The following SH3BGRL2 variants were observed in gnomAD, a reference collection of about 807,000 sequenced individuals.
SH3BGRL2 encodes SH3 domain-binding glutamic acid-rich-like protein 2.
SH3BGRL2 carries 21 observed loss-of-function variants against 14.8 expected under a neutral mutation model. That is an observed-to-expected ratio of 1.42 (90% CI 1.01 to 2.05). The LOEUF (loss-of-function observed/expected upper bound fraction) is 2.05. SH3BGRL2 is among the 30% of genes most tolerant of loss of function. The probability of loss-of-function intolerance (pLI) is 0.00; values close to 1 mark genes in which losing one functional copy is unlikely to be tolerated. For missense variants in SH3BGRL2, 147 were observed against 130.8 expected, an observed-to-expected ratio of 1.12 and a Z score of -0.61; for synonymous variants, 50 against 47.8, an observed-to-expected ratio of 1.05 and a Z score of -0.19.
chr6:79,554,745 G>T, the SH3BGRL2 span, among the ~76,000 whole-genome samples: 59 of 152,110 alleles, frequency 3.9e-4, no homozygotes, highest in African/African-American at 1.4e-3. Flanking sequence ...AAATTGGTAC[G>T]AGTTACTTAA....
At chr6:79,548,014 C>G in the SH3BGRL2 span, among the ~76,000 whole-genome samples, 5 of 152,212 alleles carry the variant, frequency 3.3e-5, no homozygotes, top group East Asian at 9.7e-4. Flanking sequence ...CAGGTGTGCA[C>G]CACCACACCT....
intron 1 of SH3BGRL2, among the ~76,000 whole-genome samples, chr6:79,672,314 T>A (rs918023811): frequency 6.6e-6 from 1 of 152,250 alleles, no homozygotes; most frequent in African/African-American, 2.4e-5. Flanking sequence ...TTCCTGCTCC[T>A]CTAGCCCTTG....
chr6:79,657,118 C>T (rs1198922096), intron 1 of SH3BGRL2, among the ~76,000 whole-genome samples: 7 of 151,812 alleles, frequency 4.6e-5, no homozygotes, highest in Non-Finnish European at 1.0e-4. Flanking sequence ...ATGAGATAAA[C>T]ATGGGAATCG....
In SH3BGRL2 at chr6:79,677,495, A is replaced by T. The variant is rs566308822; in HGVS notation, c.231+3696A>T. On this transcript the variant is annotated intron_variant, in intron 2 of 3. Transcript: ENST00000369838. ...AATTTGAACATTGAGGGGATGATGT[A>T]GAAATACGAGGTCAGTTGGAGGTTG... 2.9e-4 allele frequency among the ~76,000 whole-genome samples: 44 copies of T among 152,298 alleles called. No individual in the cohort carries two copies. The South Asian group carries it at 8.9e-3, about 31-fold the overall frequency.
chr6:79,683,732 C>T (rs1182298366), intron 2 of SH3BGRL2, among the ~76,000 whole-genome samples: 1 of 152,214 alleles, frequency 6.6e-6, no homozygotes, highest in Non-Finnish European at 1.5e-5. Context: ...CAGGCGTGAG[C>T]CACCGTGCTC....
chr6:79,644,337 G>C (rs1769086854), intron 1 of SH3BGRL2, among the ~76,000 whole-genome samples: 1 of 152,044 alleles, frequency 6.6e-6, no homozygotes, highest in Non-Finnish European at 1.5e-5. Context: ...GAGGGTCTGG[G>C]GGAGTGTAGA....
At chr6:79,585,250 T>G in the SH3BGRL2 span, among the ~76,000 whole-genome samples, 12 of 152,274 alleles carry the variant, frequency 7.9e-5, no homozygotes, top group South Asian at 8.3e-4. Context: ...GCCTATAGCC[T>G]TCTTTCTTCT....
the SH3BGRL2 span, among the ~76,000 whole-genome samples, chr6:79,619,413 TGTATAC>T: frequency 6.6e-6 from 1 of 152,240 alleles, no homozygotes; most frequent in Non-Finnish European, 1.5e-5. Flanking sequence ...TTATTGTTAC[TGTATAC>T]TTCAGTCAGC....
the SH3BGRL2 span, among the ~76,000 whole-genome samples, chr6:79,547,420 A>G: frequency 2.3e-4 from 35 of 152,208 alleles, no homozygotes; most frequent in African/African-American, 7.7e-4. Flanking sequence ...AGCATTGCCC[A>G]AGGTCACCCA....
At chr6:79,604,811 G>A in the SH3BGRL2 span, among the ~76,000 whole-genome samples, 1 of 152,190 alleles carries the variant, frequency 6.6e-6, no homozygotes, top group Admixed American at 6.6e-5. Flanking sequence ...GCAGCTGACT[G>A]AGATGACTAG....
At chr6:79,666,728 T>G (rs1769667341) in intron 1 of SH3BGRL2, among the ~76,000 whole-genome samples, 1 of 152,186 alleles carries the variant, frequency 6.6e-6, no homozygotes, top group Non-Finnish European at 1.5e-5. Flanking sequence ...TAAAAAAAAC[T>G]TTTCCCTTCT....
intron 1 of SH3BGRL2, among the ~76,000 whole-genome samples, chr6:79,666,477 C>G (rs1769662161): frequency 6.6e-6 from 1 of 152,148 alleles, no homozygotes; most frequent in Non-Finnish European, 1.5e-5. Context: ...TTTGCATCCT[C>G]TTTTTTGACA....
the SH3BGRL2 span, among the ~76,000 whole-genome samples, chr6:79,542,849 C>T: frequency 6.6e-6 from 1 of 152,240 alleles, no homozygotes; most frequent in East Asian, 1.9e-4. Context: ...TTATCTCCTC[C>T]CTCTCCTCCC....
At chr6:79,607,618 G>A in the SH3BGRL2 span, among the ~76,000 whole-genome samples, 2 of 152,014 alleles carry the variant, frequency 1.3e-5, no homozygotes, top group African/African-American at 2.4e-5. Context: ...GTCTGTTCTC[G>A]TGTTGCTATA....
chr6:79,612,465 A>G, the SH3BGRL2 span, among the ~76,000 whole-genome samples: 1 of 152,184 alleles, frequency 6.6e-6, no homozygotes, highest in African/African-American at 2.4e-5. Flanking sequence ...GAACTTCCAG[A>G]TTATTATCAT....
At chr6:79,693,593 T>A (rs1193048742) in intron 2 of SH3BGRL2, among the ~76,000 whole-genome samples, 1 of 152,014 alleles carries the variant, frequency 6.6e-6, no homozygotes, top group East Asian at 1.9e-4. Context: ...GTCAAAGGCC[T>A]TTTCTGCATC....
the SH3BGRL2 span, among the ~76,000 whole-genome samples, chr6:79,549,033 TTCGTAGTGTCACC>T: frequency 1.3e-5 from 2 of 152,178 alleles, no homozygotes; most frequent in South Asian, 4.1e-4. Context: ...GAGGAAATTA[TTCGTAGTGTCACC>T]AATGGTAAAC....
chr6:79,579,661 G>A, the SH3BGRL2 span, among the ~76,000 whole-genome samples: 1 of 152,112 alleles, frequency 6.6e-6, no homozygotes, highest in African/African-American at 2.4e-5. Context: ...ACTAAACATG[G>A]AAAGGAACAA....
At chr6:79,695,934 A>G (rs966625953) in intron 2 of SH3BGRL2, among the ~76,000 whole-genome samples, 1 of 152,238 alleles carries the variant, frequency 6.6e-6, no homozygotes, top group African/African-American at 2.4e-5. Context: ...GGTAAATATT[A>G]TAGAGAATAT....
Sources: allele counts gnomAD v4.1 joint callset (sites outside exome capture counted in the v4.1 genomes callset), GRCh38; gene constraint gnomAD v4.1.1; transcripts MANE v1.5; gene names NCBI Gene and HGNC (gene_info 2026-07-23, HGNC 2026-07-21).